Variants in FCF1 observed in about 807,000 individuals in gnomAD.
FCF1 encodes FCF1 rRNA-processing protein, also known as rRNA-processing protein FCF1 homolog.
FCF1 carries 17 observed loss-of-function variants against 32.5 expected under a neutral mutation model. The observed-to-expected ratio is 0.52, with a 90% CI of 0.36 to 0.78. The LOEUF is 0.78. Ranked by LOEUF, FCF1 falls within the 30% of genes least tolerant of loss-of-function variation. The pLI, the probability that FCF1 is intolerant of heterozygous loss-of-function variation, is 0.00. For missense variants in FCF1, 201 were observed against 241.1 expected, an observed-to-expected ratio of 0.83 and a Z score of 1.10; for synonymous variants, 84 against 78.4, an observed-to-expected ratio of 1.07 and a Z score of -0.38.
Position 74,738,457 on chromosome 14 carries a change from C to T in FCF1, c.*3527C>T, listed in dbSNP as rs1289483665. ...TTATAGATTTCTGTGCAAGACACTC[C>T]CCTCCCCTAAAAAACAAGTGACTGA... On this transcript the variant is annotated 3_prime_UTR_variant, in exon 8 of 8. Coordinates refer to ENST00000341162, the MANE Select transcript of FCF1 (RefSeq NM_015962.5). 1.3e-5 allele frequency: 2 copies of T among 152,054 alleles called. No individual in the cohort carries two copies. The highest frequency in any genetic ancestry group is 2.4e-5 in the African/African-American group (1 of 41,396). 9.4% of individuals were successfully genotyped at this position (152,054 alleles called of 1,614,324 possible).
At position 74,732,757 on chromosome 14, in the gene FCF1, G is replaced by A; in HGVS notation, c.392G>A (p.Arg131Gln). 2 of 1,612,512 alleles carry A rather than the reference G, an allele frequency of 1.2e-6. No individual in the cohort carries two copies. Among genetic ancestry groups the A allele is most frequent in the Middle Eastern group, 1.7e-4 (1 of 5,942 alleles). The part of the protein sequence containing the change: ...LRIAKDPRFE[R>Q]LPCTHKGTYA... The stretch of plus-strand genomic sequence containing the variant: ...ATTGCCAAGGATCCAAGATTTGAAC[G>A]ATTACCATGTACACACAAAGGAACC... The change falls in exon 6 of 8, where the codon CGA (arginine) becomes CAA (glutamine). Residue 131 changes from arginine (R) to glutamine (Q), a missense_variant. Transcript: ENST00000341162.
chr14:74,713,706 G>T (rs1032413119), intron 2 of FCF1, 154 bp downstream of exon 2: 12 of 659,430 alleles, frequency 1.8e-5, no homozygotes, highest in Non-Finnish European at 3.2e-5. Flanking sequence ...CAGTAATTTA[G>T]CTGCTGAGCG....
chr14:74,714,225 G>T (rs761504016), intron 2 of FCF1, among the ~76,000 whole-genome samples: 3 of 152,168 alleles, frequency 2.0e-5, no homozygotes, highest in Non-Finnish European at 4.4e-5. Flanking sequence ...AGGCTGAGGC[G>T]GGTGGATCAC....
intron 2 of FCF1, among the ~76,000 whole-genome samples, chr14:74,714,356 C>G (rs1164460416): frequency 6.6e-6 from 1 of 152,242 alleles, no homozygotes; most frequent in African/African-American, 2.4e-5. Flanking sequence ...TTATTATTCT[C>G]AGCCTTTAGT....
At chr14:74,719,115 G>C (rs891453768) in intron 4 of FCF1, among the ~76,000 whole-genome samples, 1 of 139,288 alleles carries the variant, frequency 7.2e-6, no homozygotes, top group Non-Finnish European at 1.5e-5. Context: ...GGGTGAGAGA[G>C]CGAGACTCTG....
At chr14:74,728,165 A>G (rs1312053342) in intron 5 of FCF1, among the ~76,000 whole-genome samples, 1 of 152,096 alleles carries the variant, frequency 6.6e-6, no homozygotes, top group Non-Finnish European at 1.5e-5. Flanking sequence ...CTTGATGGGG[A>G]TGGTATTGAA....
intron 7 of FCF1, among the ~76,000 whole-genome samples, chr14:74,734,649 TCTCAG>T (rs1336402861): frequency 2.6e-5 from 4 of 152,218 alleles, no homozygotes; most frequent in Non-Finnish European, 4.4e-5. Flanking sequence ...GACTTACTGA[TCTCAG>T]CTCCTCAGTT....
chr14:74,728,140 G>A (rs2090596010), intron 5 of FCF1, among the ~76,000 whole-genome samples: 1 of 152,162 alleles, frequency 6.6e-6, no homozygotes, highest in South Asian at 2.1e-4. Context: ...ATTATGTGAA[G>A]AAAGTCATTG....
rs1304039163 is a variant in FCF1 at position 74,737,903 on chromosome 14, C to A, written c.*2973C>A. 2 of 150,634 alleles carry A rather than the reference C, an allele frequency of 1.3e-5. No individual in the cohort carries two copies. The highest frequency in any genetic ancestry group is 2.9e-5 in the Non-Finnish European group (2 of 67,884). The allele number at this position is 150,634 out of a possible 1,614,324, so 9.3% of individuals were successfully genotyped here. On this transcript the variant is annotated 3_prime_UTR_variant, in exon 8 of 8. Transcript: ENST00000341162. ...CTCTGGAGGCTGAGGCAGGAGAACG[C>A]TTGAACCTGGGAGATGGAGGTTGTG...
In FCF1 at chr14:74,716,018, G is replaced by A. The variant is rs199607607; in HGVS notation, c.211G>A (p.Val71Ile). Residue 71 changes from valine to isoleucine, a missense_variant, in exon 4 of 8, where the codon GTT becomes ATT. By Grantham distance (29) the Val-to-Ile change is conservative (BLOSUM62 3). Transcript: ENST00000341162. ...GCTGGGCCCACCTTACCACATCCTC[G>A]TTGATACCAACTTTATCAACTTTTC... ...TQLGPPYHIL[V>I]DTNFINFSIK... 120 of 1,613,530 alleles carry A rather than the reference G, an allele frequency of 7.4e-5. No individual in the cohort carries two copies. The highest frequency in any genetic ancestry group is 4.8e-4 in the Admixed American group (29 of 59,958).
intron 4 of FCF1, among the ~76,000 whole-genome samples, chr14:74,721,225 T>C (rs915297508): frequency 6.6e-6 from 1 of 151,944 alleles, no homozygotes; most frequent in Non-Finnish European, 1.5e-5. Context: ...TTTTGTATTT[T>C]TAGTAGAGAT....
rs201028253 is a variant in FCF1, at chr14:74,716,071, G to A, written c.264G>A (p.Gln88=). 1.2e-5 allele frequency: 19 copies of A among 1,613,836 alleles called. No individual in the cohort carries two copies. The highest frequency in any genetic ancestry group is 1.5e-5 in the Non-Finnish European group (18 of 1,179,908). Residue 88 remains glutamine (Q), a synonymous_variant, in exon 4 of 8, where the codon CAG becomes CAA. Transcript: ENST00000341162. ...TAAAAGCCAAACTGGACTTAGTGCA[G>A]TCAATGATGGACTGTCTGTATGCCA... ...FSIKAKLDLV[Q]SMMDCLYAKC...
chr14:74,722,802 G>T (rs201141712), intron 4 of FCF1, among the ~76,000 whole-genome samples: 2 of 151,456 alleles, frequency 1.3e-5, no homozygotes, highest in Non-Finnish European at 2.9e-5. Flanking sequence ...AATTAGCTGG[G>T]CATAGTGGTG....
intron 4 of FCF1, among the ~76,000 whole-genome samples, chr14:74,722,467 A>G (rs2090517496): frequency 6.6e-6 from 1 of 152,152 alleles, no homozygotes; most frequent in South Asian, 2.1e-4. Flanking sequence ...CTATTTAGTT[A>G]ACTTCTTTGT....
chr14:74,725,342 T>C (rs889447759), intron 5 of FCF1, among the ~76,000 whole-genome samples: 4 of 151,538 alleles, frequency 2.6e-5, no homozygotes, highest in Non-Finnish European at 4.4e-5. Flanking sequence ...TAGCCAGGCA[T>C]GGTGGCGGGT....
At chr14:74,720,550 C>T (rs538164570) in intron 4 of FCF1, among the ~76,000 whole-genome samples, 2 of 152,206 alleles carry the variant, frequency 1.3e-5, no homozygotes, top group East Asian at 3.9e-4. Context: ...AAATAATATT[C>T]CACTGTATGG....
Position 74,723,352 on chromosome 14 carries a change from G to A in FCF1, c.365+8G>A. ...GTATCGAGTGGCTCTAAGGTAGGAA[G>A]GAGGTAAACTAGATCTGTTCTAGAT... is the stretch of plus-strand genomic sequence containing the variant. On this transcript the variant is annotated splice_region_variant and intron_variant, in intron 5 of 7. Coordinates refer to ENST00000341162, the MANE Select transcript of FCF1 (RefSeq NM_015962.5). 1.2e-6 allele frequency: 2 copies of A among 1,602,476 alleles called. No homozygotes were observed. Among genetic ancestry groups the A allele is most frequent in the Non-Finnish European group, 1.7e-6 (2 of 1,169,792 alleles).
chr14:74,714,610 T>C lies in FCF1; in HGVS notation c.72-262T>C, dbSNP rs545237302. 8.5e-5 allele frequency among the ~76,000 whole-genome samples: 13 copies of C among 152,312 alleles called. No individual in the cohort carries two copies. In the East Asian group the frequency reaches 2.5e-3, roughly 29 times the overall value. On this transcript the variant is annotated intron_variant, in intron 2 of 7. Coordinates refer to ENST00000341162, the MANE Select transcript of FCF1 (RefSeq NM_015962.5). Reference sequence around the variant, plus strand: ...AGAGATTCTGACTAAAAAATAAATATAGTATAATCAGCTTTTATTTACTCA... The same window carrying C: ...AGAGATTCTGACTAAAAAATAAATACAGTATAATCAGCTTTTATTTACTCA...
chr14:74,734,055 A>G (rs759447831), intron 6 of FCF1, 21 bp from the exon 7 acceptor site: 1 of 1,554,734 alleles, frequency 6.4e-7, no homozygotes, highest in Non-Finnish European at 8.9e-7. Flanking sequence ...CAGTGTGAAC[A>G]TCACTCCATG....
Sources: gnomAD v4.1 joint callset for allele counts (sites outside exome capture counted in the v4.1 genomes callset) on GRCh38, gnomAD v4.1.1 for gene constraint, MANE v1.5 for transcripts, NCBI Gene and HGNC (gene_info 2026-07-23, HGNC 2026-07-21) for gene names.